TOP2B: variants seen among roughly 807,000 people sequenced by gnomAD.
TOP2B encodes the protein DNA topoisomerase 2-beta.
In TOP2B, 51 loss-of-function variants were observed where a neutral mutation model predicts 193.5. That is an observed-to-expected ratio of 0.26 (90% CI 0.21 to 0.33). The LOEUF (loss-of-function observed/expected upper bound fraction) is 0.33. Ranked by LOEUF, TOP2B falls within the 10% of genes least tolerant of loss-of-function variation. The pLI is 1.00. For missense variants in TOP2B, 1,378 were observed against 1,909.3 expected, an observed-to-expected ratio of 0.72 and a Z score of 5.19; for synonymous variants, 634 against 635.7, an observed-to-expected ratio of 1.00 and a Z score of 0.04.
At position 25,615,532 on chromosome 3, in the gene TOP2B, C is replaced by T; in HGVS notation, c.3406G>A (p.Gly1136Arg). The change falls in exon 26 of 36, where the codon GGA becomes AGA. Residue 1136 changes from glycine to arginine, a missense_variant. Transcript: ENST00000264331. Reference protein sequence around the residue: ...NQHDDSSSDSGTPSGPDFNYI... With the variant: ...NQHDDSSSDSRTPSGPDFNYI... ...TTAAAATCTGGGCCTGAAGGAGTTC[C>T]TGAATCGGAGGAACTATCATCATGC... 6.3e-7 allele frequency: 1 copy of T among 1,576,194 alleles called. No individual in the cohort carries two copies. The highest frequency in any genetic ancestry group is 1.2e-5 in the South Asian group (1 of 85,184).
At position 25,626,871 on chromosome 3, in the gene TOP2B, GA is replaced by G. The variant is rs1559499703; in HGVS notation, c.2017-8del. 1 of 1,544,314 alleles carries G rather than the reference GA, an allele frequency of 6.5e-7. No homozygotes were observed. The highest frequency in any genetic ancestry group is 1.2e-5 in the South Asian group (1 of 85,412). ...TCTTCTTCTTACTAAATGCCTGAAA[GA>G]TTCCAGGTAACGATTTTGCACATTA... is the stretch of plus-strand genomic sequence containing the variant. On this transcript the variant is annotated splice_polypyrimidine_tract_variant and splice_region_variant and intron_variant, in intron 16 of 35. Transcript: ENST00000264331.
At chr3:25,629,177 GT>G in intron 13 of TOP2B, 32 bp from the exon 14 acceptor site, 1 of 1,413,028 alleles carries the variant, frequency 7.1e-7, no homozygotes, top group Non-Finnish European at 9.6e-7. Flanking sequence ...AAAAAATGTT[GT>G]AATACTTTTA....
intron 18 of TOP2B, among the ~76,000 whole-genome samples, chr3:25,625,211 G>A (rs6768377): frequency 0.33 from 50,100 of 151,898 alleles, 8,890 homozygotes; most frequent in African/African-American, 0.46. Context: ...TCCCACATCA[G>A]GAAAACCCTT....
In TOP2B at chr3:25,607,218, A is replaced by G; in HGVS notation, c.4251T>C (p.Asp1417=). ...CTGGTGAAAATGTATATTCATCTTTATCTAACCCATCTGAAGGAACAAATT... is the reference window on the plus strand; with the variant it reads ...CTGGTGAAAATGTATATTCATCTTTGTCTAACCCATCTGAAGGAACAAATT... ...EDEFVPSDGL[D]KDEYTFSPGK... Residue 1417 remains aspartate, a synonymous_variant, in exon 31 of 36, where the codon GAT becomes GAC. Coordinates refer to ENST00000264331, the MANE Select transcript of TOP2B (RefSeq NM_001330700.2). 1.9e-6 allele frequency: 3 copies of G among 1,611,504 alleles called. No homozygotes were observed. The highest frequency in any genetic ancestry group is 2.5e-6 in the Non-Finnish European group (3 of 1,178,570).
In TOP2B at chr3:25,628,970, A is replaced by G; in HGVS notation, c.1801-18T>C. The G allele has an allele frequency of 6.3e-7, 1 of 1,587,296 alleles. No individual in the cohort carries two copies. The highest frequency in any genetic ancestry group is 8.6e-7 in the Non-Finnish European group (1 of 1,167,076). ...TTGCTTGCCTTAAATTAATTAAAAA[A>G]CAAAATTAGTTTTTCTGCTACCCTT... On this transcript the variant is annotated intron_variant, in intron 14 of 35. Coordinates refer to ENST00000264331, the MANE Select transcript of TOP2B (RefSeq NM_001330700.2).
At position 25,609,239 on chromosome 3, in the gene TOP2B, A is replaced by T. The variant is rs761936230; in HGVS notation, c.4037T>A (p.Leu1346Ter). 6.2e-7 allele frequency: 1 copy of T among 1,607,960 alleles called. No homozygotes were observed. The highest frequency in any genetic ancestry group is 1.1e-5 in the South Asian group (1 of 90,068). ...AATAACCACAGGTTCTGTTTCTTCC[A>T]AATCACTTTCTGACTTGGATTCATC... ...SDDESKSESD[L>*]EETEPVVIPR... Residue 1346 changes from leucine (L) to a stop codon, truncating the protein, a stop_gained, in exon 30 of 36, where the codon TTG (leucine) becomes TAG (stop). Transcript: ENST00000264331. LOFTEE classifies it high-confidence loss of function.
At chr3:25,649,136 G>A (rs1703507329) in intron 1 of TOP2B, among the ~76,000 whole-genome samples, 1 of 152,126 alleles carries the variant, frequency 6.6e-6, no homozygotes, top group Non-Finnish European at 1.5e-5. Context: ...ACTTGAGCAG[G>A]CAGAATTTTT....
In TOP2B at chr3:25,625,250, G is replaced by C. The variant is rs187960462; in HGVS notation, c.2225-447C>G. 9.9e-5 allele frequency among the ~76,000 whole-genome samples: 15 copies of C among 152,266 alleles called. No homozygotes were observed. The East Asian group carries it at 2.9e-3, about 29-fold the overall frequency. ...AAAAGCGATTTATTGTGGTAGTGAAGAATAAAGGCTTTAGAATCTCACTAA... is the reference window on the plus strand; with the variant it reads ...AAAAGCGATTTATTGTGGTAGTGAACAATAAAGGCTTTAGAATCTCACTAA... On this transcript the variant is annotated intron_variant, in intron 18 of 35. Coordinates refer to ENST00000264331, the MANE Select transcript of TOP2B (RefSeq NM_001330700.2).
Position 25,599,466 on chromosome 3 carries a change from G to A in TOP2B, c.4679C>T (p.Pro1560Leu), listed in dbSNP as rs1702030133. Residue 1560 changes from proline to leucine, a missense_variant, in exon 35 of 36, where the codon CCT (proline) becomes CTT (leucine). By Grantham distance (98) the Pro-to-Leu change is moderately conservative. This residue lies in a region of TOP2B where 556 missense variants were observed against 584.2 expected (regional missense o/e 0.95). Coordinates refer to ENST00000264331, the MANE Select transcript of TOP2B (RefSeq NM_001330700.2). ...SGSENEGDYNPGRKTSKTTSK... is the reference protein window; with the variant it reads ...SGSENEGDYNLGRKTSKTTSK... The stretch of plus-strand genomic sequence containing the variant: ...TGTTGTTTTGGATGTTTTCCTGCCA[G>A]GGTTATAATCGCCTTCATTTTCAGA... The A allele has an allele frequency of 6.2e-7, 1 of 1,613,466 alleles. No homozygotes were observed. The highest frequency in any genetic ancestry group is 8.5e-7 in the Non-Finnish European group (1 of 1,179,672).
Position 25,633,213 on chromosome 3 carries a change from C to G in TOP2B, c.1027-419G>C, listed in dbSNP as rs1488350599. On this transcript the variant is annotated intron_variant, in intron 8 of 35. Transcript: ENST00000264331. Reference sequence around the variant, plus strand: ...TACAAGTCCTAGGCCTCCTGTACTTCTAACGAACCTATGACCCACTCCTCA... The same window carrying G: ...TACAAGTCCTAGGCCTCCTGTACTTGTAACGAACCTATGACCCACTCCTCA... Among the ~76,000 whole-genome samples, 7 of 152,276 alleles carry G rather than the reference C, an allele frequency of 4.6e-5. No individual in the cohort carries two copies. In the South Asian group the frequency reaches 1.0e-3, roughly 23 times the overall value.
chr3:25,605,374 T>C (rs929084544), intron 32 of TOP2B, among the ~76,000 whole-genome samples: 11 of 152,108 alleles, frequency 7.2e-5, no homozygotes, highest in Admixed American at 7.2e-4. Context: ...ATTAGTGTAA[T>C]GCGTTCTTCC....
chr3:25,657,599 T>C (rs1024673833), intron 1 of TOP2B, among the ~76,000 whole-genome samples: 5 of 152,166 alleles, frequency 3.3e-5, no homozygotes, highest in African/African-American at 1.2e-4. Flanking sequence ...GAGTGATGTA[T>C]ATCTGACACA....
chr3:25,652,448 TAAG>T (rs1356144767), intron 1 of TOP2B, among the ~76,000 whole-genome samples: 1 of 152,148 alleles, frequency 6.6e-6, no homozygotes, highest in Non-Finnish European at 1.5e-5. Flanking sequence ...TTAACAAACT[TAAG>T]AAGACTATAA....
At chr3:25,610,949 A>T (rs1473443861) in intron 28 of TOP2B, among the ~76,000 whole-genome samples, 1 of 152,190 alleles carries the variant, frequency 6.6e-6, no homozygotes, top group Non-Finnish European at 1.5e-5. Flanking sequence ...TTACTGATTA[A>T]ATGACAAAAC....
chr3:25,615,489 G>A lies in TOP2B; in HGVS notation c.3449C>T (p.Ser1150Phe), dbSNP rs1475298548. 1 of 1,577,792 alleles carries A rather than the reference G, an allele frequency of 6.3e-7. No homozygotes were observed. Among genetic ancestry groups the A allele is most frequent in the South Asian group, 1.2e-5 (1 of 85,900 alleles). ...GPDFNYILNM[S>F]LWSLTKEKVE... ...TTTTTCTTTAGTAAGAGACCACAGA[G>A]ACATATTTAAAATATAATTAAAATC... Residue 1150 changes from serine to phenylalanine, a missense_variant, in exon 26 of 36, where the codon TCT becomes TTT. This residue lies in a region of TOP2B where 556 missense variants were observed against 584.2 expected (regional missense o/e 0.95). Coordinates refer to ENST00000264331, the MANE Select transcript of TOP2B (RefSeq NM_001330700.2).
intron 7 of TOP2B, among the ~76,000 whole-genome samples, chr3:25,635,203 A>G (rs1391589377): frequency 6.6e-6 from 1 of 152,136 alleles, no homozygotes; most frequent in Non-Finnish European, 1.5e-5. Flanking sequence ...CTCAACACTA[A>G]TAACTACAGC....
chr3:25,629,923 A>C (rs1702910775), intron 13 of TOP2B, 106 bp downstream of exon 13: 3 of 1,206,652 alleles, frequency 2.5e-6, no homozygotes, highest in Admixed American at 3.0e-5. Context: ...CTGATGTATA[A>C]TCACTTTCAG....
chr3:25,607,197 T>C lies in TOP2B; in HGVS notation c.4272A>G (p.Ser1424=), dbSNP rs1444128595. Residue 1424 remains serine (S), a synonymous_variant, in exon 31 of 36, where the codon TCA becomes TCG. Transcript: ENST00000264331. ...DGLDKDEYTF[S]PGKSKATPEK... ...CTGGAGTGGCTTTTGATTTGCCTGGTGAAAATGTATATTCATCTTTATCTA... is the reference window on the plus strand; with the variant it reads ...CTGGAGTGGCTTTTGATTTGCCTGGCGAAAATGTATATTCATCTTTATCTA... 2 of 1,612,854 alleles carry C rather than the reference T, an allele frequency of 1.2e-6. No individual in the cohort carries two copies. Among genetic ancestry groups the C allele is most frequent in the Non-Finnish European group, 1.7e-6 (2 of 1,179,414 alleles).
At chr3:25,643,905 C>A in intron 2 of TOP2B, 121 bp from the exon 3 acceptor site, 3 of 637,522 alleles carry the variant, frequency 4.7e-6, no homozygotes, top group Non-Finnish European at 8.2e-6. Context: ...AGTAGAAAAA[C>A]ATATACAACT....
Sources: allele counts gnomAD v4.1 joint callset (sites outside exome capture counted in the v4.1 genomes callset), GRCh38; gene constraint gnomAD v4.1.1; regional missense constraint gnomAD v4.1.1; transcripts MANE v1.5; gene names NCBI Gene and HGNC (gene_info 2026-07-23, HGNC 2026-07-21).